The following FOXK2 variants were observed in gnomAD, a reference collection of about 807,000 sequenced individuals.
FOXK2 encodes forkhead box K2.
Under a neutral mutation model 53.3 loss-of-function variants are expected in FOXK2, and 24 were observed. The observed-to-expected ratio is 0.45, with a 90% CI of 0.33 to 0.63. FOXK2 has a LOEUF of 0.63. Among genes scored for constraint, FOXK2 ranks in the 30% least tolerant of loss-of-function variants. FOXK2 has a pLI of 0.03. For synonymous variants in FOXK2, 505 were observed against 407.1 expected (o/e 1.24, Z -2.89); for missense variants, 952 against 910.5 (o/e 1.05, Z -0.59).
At chr17:82,540,648 G>A (rs2044566422) in intron 1 of FOXK2, among the ~76,000 whole-genome samples, 1 of 152,120 alleles carries the variant, frequency 6.6e-6, no homozygotes. Context: ...CTACTCTGCA[G>A]CTGCCTCTCC....
At chr17:82,593,398 A>T (rs111846645) in intron 8 of FOXK2, 3,818 of 152,258 alleles carry the variant, frequency 0.025, 56 homozygotes, top group Middle Eastern at 0.052. Flanking sequence ...GAAGGAAAGG[A>T]GAGCGATAGG....
intron 8 of FOXK2, chr17:82,587,534 G>C (rs2045201503): frequency 4.1e-6 from 2 of 487,312 alleles, no homozygotes; most frequent in Non-Finnish European, 7.5e-6. Context: ...GCCTCTTGTA[G>C]ATTTCCTGGG....
At chr17:82,537,197 G>C (rs1187698462) in intron 1 of FOXK2, among the ~76,000 whole-genome samples, 10 of 152,122 alleles carry the variant, frequency 6.6e-5, no homozygotes. Context: ...ATGTTAGGAA[G>C]GTTATTCCTG....
At position 82,585,885 on chromosome 17, in the gene FOXK2, C is replaced by T; in HGVS notation, c.1280-19C>T. The T allele has an allele frequency of 6.2e-7, 1 of 1,600,374 alleles. No homozygotes were observed. Among genetic ancestry groups the T allele is most frequent in the South Asian group, 1.1e-5 (1 of 90,324 alleles). ...AAGTCAGTATCTGTAAGTGTCAGTC[C>T]TGCTGTGTCTTTCACCAGGGTCACC... On this transcript the variant is annotated intron_variant, in intron 6 of 8. Transcript: ENST00000335255.
chr17:82,561,370 T>C (rs538045307), intron 1 of FOXK2, among the ~76,000 whole-genome samples: 4 of 152,060 alleles, frequency 2.6e-5, no homozygotes, highest in African/African-American at 9.7e-5. Context: ...TTTGGGTATA[T>C]GTGTAGAGTT....
chr17:82,584,088 G>A lies in FOXK2; in HGVS notation c.1179G>A (p.Leu393=), dbSNP rs770315753. The A allele has an allele frequency of 3.1e-6, 5 of 1,611,698 alleles. No individual in the cohort carries two copies. The highest frequency in any genetic ancestry group is 4.2e-6 in the Non-Finnish European group (5 of 1,179,922). ...GTGGCGCCCAGACCCCTGAGAGCCT[G>A]TCGAGGGAAGGTTCGCCGGCCCCCC... ...HSSGAQTPES[L]SREGSPAPLE... is the part of the protein sequence containing the mutation. Residue 393 remains leucine (L), a synonymous_variant, in exon 6 of 9, where the codon CTG becomes CTA. Coordinates refer to ENST00000335255, the MANE Select transcript of FOXK2 (RefSeq NM_004514.4).
chr17:82,570,759 A>G (rs1353258058), intron 3 of FOXK2, among the ~76,000 whole-genome samples: 2 of 152,234 alleles, frequency 1.3e-5, no homozygotes, highest in South Asian at 2.1e-4. Flanking sequence ...CGTGTTGCCC[A>G]GAAGTTCACA....
intron 1 of FOXK2, among the ~76,000 whole-genome samples, chr17:82,536,641 G>A (rs1036082112): frequency 6.6e-6 from 1 of 152,174 alleles, no homozygotes; most frequent in Non-Finnish European, 1.5e-5. Context: ...CTCTTGATGG[G>A]CTTGCCCTTG....
chr17:82,540,851 C>A (rs537165428), intron 1 of FOXK2, among the ~76,000 whole-genome samples: 8 of 152,242 alleles, frequency 5.3e-5, no homozygotes, highest in African/African-American at 1.9e-4. Flanking sequence ...TTATTTTTTT[C>A]CCAGCGCATC....
At chr17:82,541,922 C>T (rs1449599943) in intron 1 of FOXK2, among the ~76,000 whole-genome samples, 7 of 151,550 alleles carry the variant, frequency 4.6e-5, no homozygotes, top group African/African-American at 1.7e-4. Flanking sequence ...ATTCGGTTTC[C>T]CAGGCTGGAG....
rs990940914 is a variant in FOXK2 at position 82,579,155 on chromosome 17, G to T, written c.910-3586G>T. 2.0e-5 allele frequency among the ~76,000 whole-genome samples: 3 copies of T among 152,306 alleles called. No homozygotes were observed. In the East Asian group the frequency reaches 5.8e-4, roughly 29 times the overall value. ...GCTGGGATTGCCATTTGCACTGCTT[G>T]AGGGTTTTATATTACCATCGTGTGG... On this transcript the variant is annotated intron_variant, in intron 4 of 8. Coordinates refer to ENST00000335255, the MANE Select transcript of FOXK2 (RefSeq NM_004514.4).
At chr17:82,532,125 A>G (rs2044477864) in intron 1 of FOXK2, among the ~76,000 whole-genome samples, 1 of 149,560 alleles carries the variant, frequency 6.7e-6, no homozygotes, top group Non-Finnish European at 1.5e-5. Flanking sequence ...CTAGGATTAT[A>G]GGCGTGAGCC....
intron 1 of FOXK2, among the ~76,000 whole-genome samples, chr17:82,536,340 G>A (rs1202509155): frequency 1.3e-5 from 2 of 152,084 alleles, no homozygotes; most frequent in African/African-American, 4.8e-5. Context: ...GATTTTTGTT[G>A]TTGTTGCAAA....
rs1297143252 is a variant in FOXK2, at chr17:82,569,684, C to T, written c.762+1483C>T. 2.0e-5 allele frequency among the ~76,000 whole-genome samples: 3 copies of T among 152,160 alleles called. No homozygotes were observed. In the South Asian group the frequency reaches 6.2e-4, roughly 31 times the overall value. ...CACAGGGAAGTCAACAGCACAGGCA[C>T]AGTGACGAAGGCTTTGTTAGCTGTT... On this transcript the variant is annotated intron_variant, in intron 3 of 8. Transcript: ENST00000335255.
intron 1 of FOXK2, among the ~76,000 whole-genome samples, chr17:82,555,089 GGGATA>G (rs1481149437): frequency 6.6e-6 from 1 of 152,168 alleles, no homozygotes; most frequent in East Asian, 1.9e-4. Flanking sequence ...GCCAGGAATT[GGGATA>G]GGCTGACTGT....
chr17:82,533,456 C>T (rs1169964808), intron 1 of FOXK2, among the ~76,000 whole-genome samples: 2 of 151,820 alleles, frequency 1.3e-5, no homozygotes, highest in Non-Finnish European at 2.9e-5. Context: ...TGCCACTGCA[C>T]TCCAGCCTGG....
chr17:82,601,701 T>C lies in FOXK2; in HGVS notation c.*202T>C. On this transcript the variant is annotated 3_prime_UTR_variant, in exon 9 of 9. Transcript: ENST00000335255. ...AACCCACACACAACAAAACCTGATTTGGGAGACGGTGTCTCCACTGAGCAC... is the reference window on the plus strand; with the variant it reads ...AACCCACACACAACAAAACCTGATTCGGGAGACGGTGTCTCCACTGAGCAC... 1.9e-6 allele frequency: 1 copy of C among 527,474 alleles called. No homozygotes were observed. The highest frequency in any genetic ancestry group is 3.4e-6 in the Non-Finnish European group (1 of 296,382). The allele number at this position is 527,474 out of a possible 1,614,324, so 32.7% of individuals were successfully genotyped here. A position where few individuals can be genotyped will look rare whatever the true frequency, so the allele number is the denominator to read the frequency against.
intron 4 of FOXK2, among the ~76,000 whole-genome samples, chr17:82,573,089 A>T (rs1485471990): frequency 2.0e-5 from 3 of 152,126 alleles, no homozygotes; most frequent in Non-Finnish European, 4.4e-5. Context: ...GCTACTCCAG[A>T]GGCTGAGGTG....
chr17:82,592,751 C>T (rs2045264675), intron 8 of FOXK2, among the ~76,000 whole-genome samples: 1 of 152,258 alleles, frequency 6.6e-6, no homozygotes, highest in African/African-American at 2.4e-5. Context: ...TGCATCTCAG[C>T]TGTGGCGCCT....
Sources: gnomAD v4.1 joint callset for allele counts (sites outside exome capture counted in the v4.1 genomes callset) on GRCh38, gnomAD v4.1.1 for gene constraint, MANE v1.5 for transcripts, NCBI Gene and HGNC (gene_info 2026-07-23, HGNC 2026-07-21) for gene names.